TTC7B: variants seen among roughly 807,000 people sequenced by gnomAD.
TTC7B encodes tetratricopeptide repeat protein 7B.
In TTC7B, 28 loss-of-function variants were observed where a neutral mutation model predicts 106.8. That is an observed-to-expected ratio of 0.26 (90% CI 0.19 to 0.36). The LOEUF (loss-of-function observed/expected upper bound fraction) is 0.36, where lower values mean the gene tolerates loss of function less well. Among genes scored for constraint, TTC7B ranks in the 10% least tolerant of loss-of-function variants. The pLI, the probability that TTC7B is intolerant of heterozygous loss-of-function variation, is 1.00. For missense variants in TTC7B, 862 were observed against 1,076.4 expected, an observed-to-expected ratio of 0.80 and a Z score of 2.79; for synonymous variants, 405 against 430.6, an observed-to-expected ratio of 0.94 and a Z score of 0.74.
intron 3 of TTC7B, among the ~76,000 whole-genome samples, chr14:90,760,406 C>T (rs559636087): frequency 1.2e-4 from 18 of 152,230 alleles, no homozygotes; most frequent in African/African-American, 4.1e-4. Flanking sequence ...GACTTGAACT[C>T]GAGATTCAAG....
At chr14:90,732,203 T>TAA (rs1246271691) in intron 4 of TTC7B, among the ~76,000 whole-genome samples, 1 of 152,206 alleles carries the variant, frequency 6.6e-6, no homozygotes, top group Non-Finnish European at 1.5e-5. Context: ...CAGAAGGAAC[T>TAA]AAAGTGTAAC....
intron 5 of TTC7B, among the ~76,000 whole-genome samples, chr14:90,723,692 C>G (rs1354455166): frequency 6.6e-6 from 1 of 152,220 alleles, no homozygotes; most frequent in African/African-American, 2.4e-5. Context: ...GCCACCCTAT[C>G]TAAGCAGGGG....
chr14:90,762,470 C>G (rs1423834256), intron 3 of TTC7B, among the ~76,000 whole-genome samples: 1 of 152,234 alleles, frequency 6.6e-6, no homozygotes, highest in Non-Finnish European at 1.5e-5. Flanking sequence ...CTAATCTATT[C>G]TCCACTCTGT....
In TTC7B at chr14:90,807,597, C is replaced by G. The variant is rs1216289756; in HGVS notation, c.121+8578G>C. On this transcript the variant is annotated intron_variant, in intron 1 of 19. Transcript: ENST00000328459. The surrounding 1 kb of genome is among the most constrained non-coding windows in gnomAD (Gnocchi z 4.1). ...CTGCTCACTCTATTTCTTCTGATGC[C>G]CCTCTGATACCTGGTGCTGTGCCCA... Among the ~76,000 whole-genome samples the G allele has an allele frequency of 2.0e-5, 3 of 152,174 alleles. No individual in the cohort carries two copies. Among genetic ancestry groups the G allele is most frequent in the African/African-American group, 7.2e-5 (3 of 41,430 alleles).
intron 17 of TTC7B, among the ~76,000 whole-genome samples, chr14:90,597,298 T>C (rs1183322811): frequency 6.6e-6 from 1 of 152,116 alleles, no homozygotes; most frequent in Non-Finnish European, 1.5e-5. Context: ...TTCCATTGAA[T>C]TAGTATTGGA....
Position 90,575,570 on chromosome 14 carries a change from G to T in TTC7B, c.2310+2536C>A, listed in dbSNP as rs74081227. ...GCTGCCCCTCCACAGGCACCAGAGG[G>T]TCCTGCAGCACCAGTGGGAGGGGGG... is the stretch of plus-strand genomic sequence containing the variant. On this transcript the variant is annotated intron_variant, in intron 19 of 19. Transcript: ENST00000328459. The surrounding 1 kb of genome is among the most constrained non-coding windows in gnomAD (Gnocchi z 5.2). Among the ~76,000 whole-genome samples, 1,849 of 152,298 alleles carry T rather than the reference G, an allele frequency of 0.012. 40 individuals are homozygous for T. Among genetic ancestry groups the T allele is most frequent in the African/African-American group, 0.043 (1,779 of 41,574 alleles).
chr14:90,633,544 A>G (rs928766489), intron 15 of TTC7B, among the ~76,000 whole-genome samples: 4 of 152,360 alleles, frequency 2.6e-5, no homozygotes, highest in East Asian at 1.9e-4. Flanking sequence ...ACAAACTGTC[A>G]GTTCTTAACC....
At chr14:90,554,613 C>T (rs17720583) in intron 19 of TTC7B, among the ~76,000 whole-genome samples, 24,828 of 152,126 alleles carry the variant, frequency 0.16, 2,467 homozygotes, top group South Asian at 0.23. Flanking sequence ...GCTCAAGGCT[C>T]GGGACTGGAG....
In TTC7B at chr14:90,537,373, T is replaced by TGCGGGG. The variant is rs1555372754; in HGVS notation, c.*3994_*3995insCCCCGC. ...GGCTATTTTTTTTTTTTTGTAGAGA[T>TGCGGGG]GGGGGGGGGGTCTCACCATGTTGCC... On this transcript the variant is annotated 3_prime_UTR_variant, in exon 20 of 20. Transcript: ENST00000328459. 2 of 54,420 alleles carry TGCGGGG rather than the reference T, an allele frequency of 3.7e-5. No individual in the cohort carries two copies. The highest frequency in any genetic ancestry group is 1.2e-4 in the African/African-American group (2 of 16,114). The allele number at this position is 54,420 out of a possible 1,614,324, so 3.4% of individuals were successfully genotyped here.
Position 90,742,092 on chromosome 14 carries a change from G to A in TTC7B, c.576+2700C>T, listed in dbSNP as rs1309170948. Among the ~76,000 whole-genome samples, 2 of 151,580 alleles carry A rather than the reference G, an allele frequency of 1.3e-5. No individual in the cohort carries two copies. The highest frequency in any genetic ancestry group is 2.9e-5 in the Non-Finnish European group (2 of 67,930). ...CATATTTATTGACTTTTTTTTTTAA[G>A]TGCAGTGGTACAATCATAGCTCACT... On this transcript the variant is annotated intron_variant, in intron 4 of 19. Transcript: ENST00000328459. The surrounding 1 kb of genome is among the most constrained non-coding windows in gnomAD (Gnocchi z 4.1).
chr14:90,541,378 C>A lies in TTC7B; in HGVS notation c.2522G>T (p.Arg841Leu), dbSNP rs763346475. 1 of 1,606,188 alleles carries A rather than the reference C, an allele frequency of 6.2e-7. No individual in the cohort carries two copies. The highest frequency in any genetic ancestry group is 1.3e-5 in the African/African-American group (1 of 74,992). ...CTGGCAGGCGCCTGCTCAGAGCACG[C>A]GGGGGATGATGGTGAAGGGCACGGC... Reference protein sequence around the residue: ...SPAVPFTIIPRVL With the variant: ...SPAVPFTIIPLVL Residue 841 changes from arginine to leucine, a missense_variant, in exon 20 of 20, where the codon CGC (arginine) becomes CTC (leucine). Coordinates refer to ENST00000328459, the MANE Select transcript of TTC7B (RefSeq NM_001010854.2).
In TTC7B at chr14:90,757,746, A is replaced by G. The variant is rs774118347; in HGVS notation, c.446-12824T>C. ...GATCATGGTCATTAGCAAATATCCA[A>G]TTCATAAAGACTGGGATTAGATCTC... On this transcript the variant is annotated intron_variant, in intron 3 of 19. Coordinates refer to ENST00000328459, the MANE Select transcript of TTC7B (RefSeq NM_001010854.2). This position sits in a 1 kb window ranked among gnomAD's most constrained non-coding sequence, Gnocchi z 4.1. Among the ~76,000 whole-genome samples, 2 of 152,184 alleles carry G rather than the reference A, an allele frequency of 1.3e-5. No individual in the cohort carries two copies. The highest frequency in any genetic ancestry group is 2.9e-5 in the Non-Finnish European group (2 of 68,040).
At chr14:90,682,294 T>C (rs1595277117) in intron 7 of TTC7B, among the ~76,000 whole-genome samples, 1 of 152,206 alleles carries the variant, frequency 6.6e-6, no homozygotes, top group Non-Finnish European at 1.5e-5. Flanking sequence ...ATTTTTACCA[T>C]AGTTGCTAAC....
chr14:90,660,774 T>A (rs992254771), intron 9 of TTC7B, among the ~76,000 whole-genome samples: 2 of 152,242 alleles, frequency 1.3e-5, no homozygotes, highest in African/African-American at 4.8e-5. Context: ...GGTCACACAG[T>A]AAATATCACG....
chr14:90,658,073 C>A, intron 10 of TTC7B: 1 of 540,998 alleles, frequency 1.8e-6, no homozygotes, highest in Non-Finnish European at 3.3e-6. Context: ...GATGAAGTCA[C>A]AATGACTGGA....
chr14:90,739,459 A>G (rs537170609), intron 4 of TTC7B, among the ~76,000 whole-genome samples: 2 of 152,344 alleles, frequency 1.3e-5, no homozygotes, highest in Admixed American at 1.3e-4. Flanking sequence ...AGTAACCTGC[A>G]TCTAATCCAG....
intron 7 of TTC7B, among the ~76,000 whole-genome samples, chr14:90,688,494 G>A (rs1282968799): frequency 2.6e-5 from 4 of 151,946 alleles, no homozygotes; most frequent in Admixed American, 1.3e-4. Context: ...ATGGTGGCAC[G>A]CACCTGTAGT....
intron 4 of TTC7B, among the ~76,000 whole-genome samples, chr14:90,731,751 G>C (rs113077009): frequency 6.6e-6 from 1 of 152,150 alleles, no homozygotes; most frequent in Non-Finnish European, 1.5e-5. Context: ...TTCTCTCTTA[G>C]GTCTCTTGAG....
chr14:90,792,069 C>T (rs1185764772), intron 1 of TTC7B, among the ~76,000 whole-genome samples: 4 of 152,152 alleles, frequency 2.6e-5, no homozygotes, highest in African/African-American at 9.7e-5. Context: ...TTGCAGAATC[C>T]GCAGACCCTG....
Sources: gnomAD v4.1 joint callset for allele counts (sites outside exome capture counted in the v4.1 genomes callset) on GRCh38, gnomAD v4.1.1 for gene constraint, Gnocchi (gnomAD v3.1) non-coding constraint, MANE v1.5 for transcripts, NCBI Gene and HGNC (gene_info 2026-07-23, HGNC 2026-07-21) for gene names.